Variants in SLC5A4 observed in about 807,000 individuals in gnomAD.
SLC5A4 encodes probable glucose sensor protein SLC5A4.
A neutral mutation model predicts 70.3 loss-of-function variants in SLC5A4; 55 were observed. The ratio of observed to expected loss-of-function variants is 0.78; its 90% CI spans 0.63 to 0.98. The LOEUF (loss-of-function observed/expected upper bound fraction) is 0.98, where lower values mean the gene tolerates loss of function less well. Among genes scored for constraint, SLC5A4 ranks in the 50% least tolerant of loss-of-function variants. The pLI, the probability that SLC5A4 is intolerant of heterozygous loss-of-function variation, is 0.00. For missense variants in SLC5A4, 735 were observed against 839.2 expected, an observed-to-expected ratio of 0.88 and a Z score of 1.53; for synonymous variants, 268 against 305.7, an observed-to-expected ratio of 0.88 and a Z score of 1.29.
intron 6 of SLC5A4, 148 bp from the exon 7 acceptor site, chr22:32,237,472 G>A: frequency 1.7e-6 from 1 of 580,628 alleles, no homozygotes; most frequent in East Asian, 3.0e-5. Context: ...AGCTTGTCCT[G>A]GCATCATGAT....
intron 9 of SLC5A4, 96 bp downstream of exon 9, chr22:32,232,803 T>C: frequency 6.8e-7 from 1 of 1,464,380 alleles, no homozygotes; most frequent in South Asian, 1.4e-5. Context: ...TTTACTTCCT[T>C]CCAGAATGGA....
intron 3 of SLC5A4, among the ~76,000 whole-genome samples, 193 bp downstream of exon 3, chr22:32,251,577 C>T (rs1266616442): frequency 3.3e-5 from 5 of 152,000 alleles, no homozygotes; most frequent in African/African-American, 9.7e-5. Context: ...CACCATGGGA[C>T]GATGAAGCAA....
At position 32,218,975 on chromosome 22, in the gene SLC5A4, G is replaced by C. The variant is rs146867883; in HGVS notation, c.1769-250C>G. On this transcript the variant is annotated intron_variant, in intron 14 of 14. Coordinates refer to ENST00000266086, the MANE Select transcript of SLC5A4 (RefSeq NM_014227.3). ...AAACGTTCGCATATTCTATTACAAA[G>C]GGTTTAATATCTTTAATATATAATG... Among the ~76,000 whole-genome samples, 24 of 152,100 alleles carry C rather than the reference G, an allele frequency of 1.6e-4. No homozygotes were observed. In the East Asian group the frequency reaches 4.4e-3, roughly 28 times the overall value.
At position 32,224,264 on chromosome 22, in the gene SLC5A4, C is replaced by T. The variant is rs759166660; in HGVS notation, c.1665+3G>A. 2 of 1,601,048 alleles carry T rather than the reference C, an allele frequency of 1.2e-6. No individual in the cohort carries two copies. The highest frequency in any genetic ancestry group is 1.7e-6 in the Non-Finnish European group (2 of 1,168,342). On this transcript the variant is annotated splice_donor_region_variant and intron_variant, in intron 13 of 14. Coordinates refer to ENST00000266086, the MANE Select transcript of SLC5A4 (RefSeq NM_014227.3). ...TAGCATGTATTCATTACTCATCACT[C>T]ACATGTACATCAGGAATGGGTTTTG...
the SLC5A4 span, among the ~76,000 whole-genome samples, chr22:32,288,347 C>T: frequency 2.4e-4 from 36 of 152,086 alleles, no homozygotes; most frequent in African/African-American, 7.7e-4. Context: ...AGTGGAAATG[C>T]CATGTACCAC....
the SLC5A4 span, among the ~76,000 whole-genome samples, chr22:32,320,593 G>A: frequency 2.0e-5 from 3 of 152,324 alleles, no homozygotes; most frequent in African/African-American, 2.4e-5. Context: ...GTTAGTCATT[G>A]AGATTCATGA....
chr22:32,332,017 C>T, the SLC5A4 span, among the ~76,000 whole-genome samples: 2 of 152,098 alleles, frequency 1.3e-5, no homozygotes, highest in African/African-American at 2.4e-5. Context: ...CCTTGGACCC[C>T]CACCTCCTTC....
intron 1 of SLC5A4, 47 bp from the exon 2 acceptor site, chr22:32,254,260 C>G (rs1278055796): frequency 7.3e-7 from 1 of 1,369,612 alleles, no homozygotes; most frequent in Non-Finnish European, 1.0e-6. Flanking sequence ...AGCAAGTGCA[C>G]CCAGACACCC....
chr22:32,310,883 ACT>A, the SLC5A4 span, among the ~76,000 whole-genome samples: 1 of 152,070 alleles, frequency 6.6e-6, no homozygotes, highest in Admixed American at 6.6e-5. Context: ...GCACAGTGTG[ACT>A]CACAGTGGAG....
At chr22:32,311,163 C>T in the SLC5A4 span, among the ~76,000 whole-genome samples, 3 of 152,320 alleles carry the variant, frequency 2.0e-5, no homozygotes, top group Admixed American at 6.5e-5. Flanking sequence ...ACTTGTCCCT[C>T]GAACTGAGTT....
At chr22:32,323,160 C>T in the SLC5A4 span, among the ~76,000 whole-genome samples, 3 of 152,184 alleles carry the variant, frequency 2.0e-5, no homozygotes, top group Non-Finnish European at 4.4e-5. Flanking sequence ...GAGACAACAG[C>T]TTACAGCTTA....
chr22:32,306,052 G>T, the SLC5A4 span, among the ~76,000 whole-genome samples: 1 of 152,128 alleles, frequency 6.6e-6, no homozygotes, highest in Middle Eastern at 3.2e-3. Context: ...CCTACAGAAT[G>T]ACAAATTATG....
At chr22:32,349,044 G>A in the SLC5A4 span, among the ~76,000 whole-genome samples, 1 of 152,104 alleles carries the variant, frequency 6.6e-6, no homozygotes, top group Admixed American at 6.5e-5. Context: ...GGTGCGATTC[G>A]GCTCACTGCA....
the SLC5A4 span, among the ~76,000 whole-genome samples, chr22:32,266,236 G>A: frequency 1.3e-5 from 2 of 152,166 alleles, no homozygotes; most frequent in Non-Finnish European, 2.9e-5. Flanking sequence ...ATGACTAACT[G>A]AGTGGTTATG....
At chr22:32,349,925 T>C in the SLC5A4 span, among the ~76,000 whole-genome samples, 1 of 152,198 alleles carries the variant, frequency 6.6e-6, no homozygotes, top group Non-Finnish European at 1.5e-5. Flanking sequence ...TTACCATAAA[T>C]ACACCTTCTT....
chr22:32,248,921 A>G (rs1926988058), intron 3 of SLC5A4, 119 bp from the exon 4 acceptor site: 1 of 684,414 alleles, frequency 1.5e-6, no homozygotes, highest in Admixed American at 2.4e-5. Context: ...ATCCTGTCCC[A>G]TTCAAACAAC....
At chr22:32,303,786 CA>C in the SLC5A4 span, among the ~76,000 whole-genome samples, 1 of 152,106 alleles carries the variant, frequency 6.6e-6, no homozygotes, top group Non-Finnish European at 1.5e-5. Flanking sequence ...TTTGTGTGGC[CA>C]TAAGTTGTCA....
the SLC5A4 span, among the ~76,000 whole-genome samples, chr22:32,284,406 G>C: frequency 6.6e-6 from 1 of 152,156 alleles, no homozygotes; most frequent in African/African-American, 2.4e-5. Flanking sequence ...TTGCACATGT[G>C]GTGTATCTGC....
At chr22:32,345,865 C>T in the SLC5A4 span, among the ~76,000 whole-genome samples, 9 of 152,226 alleles carry the variant, frequency 5.9e-5, no homozygotes, top group Admixed American at 5.2e-4. Context: ...AGATTAAATC[C>T]GTCTAATTTA....
Sources: allele counts gnomAD v4.1 joint callset (sites outside exome capture counted in the v4.1 genomes callset), GRCh38; gene constraint gnomAD v4.1.1; transcripts MANE v1.5; gene names NCBI Gene and HGNC (gene_info 2026-07-23, HGNC 2026-07-21).